SHCBP1: variants seen among roughly 807,000 people sequenced by gnomAD.
SHCBP1 encodes the protein SHC SH2 domain-binding protein 1.
Under a neutral mutation model 75.1 loss-of-function variants are expected in SHCBP1, and 60 were observed. That is an observed-to-expected ratio of 0.80 (90% CI 0.65 to 0.99). The LOEUF (loss-of-function observed/expected upper bound fraction) is 0.99. SHCBP1 is among the 50% of genes least tolerant of loss of function. The pLI is 0.00. For missense variants in SHCBP1, 709 were observed against 809.4 expected, an observed-to-expected ratio of 0.88 and a Z score of 1.50; for synonymous variants, 290 against 293.2, an observed-to-expected ratio of 0.99 and a Z score of 0.11.
chr16:46,602,831 A>G (rs1023009650), intron 8 of SHCBP1, among the ~76,000 whole-genome samples: 2 of 152,170 alleles, frequency 1.3e-5, no homozygotes, highest in Non-Finnish European at 2.9e-5. Flanking sequence ...GGGTTTCACC[A>G]TGTTAGCCAG....
chr16:46,608,459 A>C, intron 4 of SHCBP1, 70 bp from the exon 5 acceptor site: 1 of 987,176 alleles, frequency 1.0e-6, no homozygotes, highest in Non-Finnish European at 1.6e-6. Flanking sequence ...GAGGGGTGAG[A>C]GCTAAAGAGT....
At position 46,581,690 on chromosome 16, in the gene SHCBP1, C is replaced by A; in HGVS notation, c.*39G>T. ...GCAGTGATTCTTAGGGCAGCATGTGCAAAATCCAGTATTTTGCTATCTACT... is the reference window on the plus strand; with the variant it reads ...GCAGTGATTCTTAGGGCAGCATGTGAAAAATCCAGTATTTTGCTATCTACT... On this transcript the variant is annotated 3_prime_UTR_variant, in exon 13 of 13. Coordinates refer to ENST00000303383, the MANE Select transcript of SHCBP1 (RefSeq NM_024745.5). 6.4e-7 allele frequency: 1 copy of A among 1,559,602 alleles called. No individual in the cohort carries two copies. The highest frequency in any genetic ancestry group is 8.7e-7 in the Non-Finnish European group (1 of 1,143,684).
Position 46,616,091 on chromosome 16 carries a change from C to T in SHCBP1, c.451G>A (p.Asp151Asn). ...ATGGTAAAAGTGCTCACTTGAGAGTCACAGAGGTATGGTTCAGCAAGCCTC... is the reference window on the plus strand; with the variant it reads ...ATGGTAAAAGTGCTCACTTGAGAGTTACAGAGGTATGGTTCAGCAAGCCTC... ...VVRLAEPYLC[D>N]SQVSTFTMEC... is the part of the protein sequence containing the mutation. Residue 151 changes from aspartate to asparagine, a missense_variant, in exon 4 of 13, where the codon GAC becomes AAC. Physicochemically the swap from Asp to Asn is conservative, Grantham distance 23 (BLOSUM62 1). Transcript: ENST00000303383. The surrounding 1 kb of genome is among the most constrained non-coding windows in gnomAD (Gnocchi z 4.4). The T allele has an allele frequency of 1.2e-6, 2 of 1,614,180 alleles. No homozygotes were observed. The highest frequency in any genetic ancestry group is 1.7e-6 in the Non-Finnish European group (2 of 1,180,032).
chr16:46,594,440 A>G (rs1160588740), intron 10 of SHCBP1, among the ~76,000 whole-genome samples: 1 of 152,222 alleles, frequency 6.6e-6, no homozygotes, highest in African/African-American at 2.4e-5. Context: ...GGCAAAAGTC[A>G]CAGATATTTC....
chr16:46,583,685 GAACTGTCATATTC>G (rs1440822056), intron 11 of SHCBP1, 28 bp from the exon 12 acceptor site: 5 of 1,590,070 alleles, frequency 3.1e-6, no homozygotes, highest in Non-Finnish European at 4.3e-6. Context: ...AATGTTTTAG[GAACTGTCATATTC>G]AACATTTCCT....
At chr16:46,590,205 C>T (rs1056289084) in intron 10 of SHCBP1, among the ~76,000 whole-genome samples, 1 of 152,170 alleles carries the variant, frequency 6.6e-6, no homozygotes, top group Non-Finnish European at 1.5e-5. Context: ...GACCTAAAAC[C>T]ATTAAAACCC....
intron 1 of SHCBP1, among the ~76,000 whole-genome samples, chr16:46,619,652 C>T (rs1264178099): frequency 6.6e-6 from 1 of 152,216 alleles, no homozygotes; most frequent in Non-Finnish European, 1.5e-5. Context: ...AATAGTAGTA[C>T]TTCAGCACCA....
At chr16:46,605,605 C>T (rs776920802) in intron 5 of SHCBP1, among the ~76,000 whole-genome samples, 6 of 152,076 alleles carry the variant, frequency 3.9e-5, no homozygotes, top group Non-Finnish European at 7.4e-5. Flanking sequence ...AAAAAACAAA[C>T]AAACAAACAA....
chr16:46,600,947 T>C (rs371141404), intron 8 of SHCBP1, among the ~76,000 whole-genome samples: 1 of 151,652 alleles, frequency 6.6e-6, no homozygotes. Flanking sequence ...GAGGCGGAGA[T>C]TGCAGTGAGA....
intron 10 of SHCBP1, among the ~76,000 whole-genome samples, chr16:46,591,607 A>C (rs1019332760): frequency 7.2e-5 from 11 of 152,132 alleles, no homozygotes; most frequent in Admixed American, 7.2e-4. Flanking sequence ...GCAGAAAAAA[A>C]AAATCAGAAA....
intron 10 of SHCBP1, among the ~76,000 whole-genome samples, chr16:46,588,747 A>G (rs1339813586): frequency 6.6e-6 from 1 of 152,178 alleles, no homozygotes; most frequent in Non-Finnish European, 1.5e-5. Flanking sequence ...AGAGGTACAA[A>G]GAGGAGCTGG....
chr16:46,589,247 T>A (rs183864935), intron 10 of SHCBP1, among the ~76,000 whole-genome samples: 163 of 152,334 alleles, frequency 1.1e-3, no homozygotes, highest in South Asian at 7.5e-3. Flanking sequence ...AAGCATTCCC[T>A]TTGAAAACTG....
intron 9 of SHCBP1, among the ~76,000 whole-genome samples, chr16:46,597,782 C>T (rs1965166420): frequency 6.6e-6 from 1 of 152,214 alleles, no homozygotes; most frequent in African/African-American, 2.4e-5. Context: ...TTTGATAGCA[C>T]TTTACACACA....
Position 46,604,027 on chromosome 16 carries a change from A to C in SHCBP1, c.1040T>G (p.Leu347Arg). The change falls in exon 7 of 13, where the codon CTG (leucine) becomes CGG (arginine). Residue 347 changes from leucine (L) to arginine (R), a missense_variant. By Grantham distance (102) the Leu-to-Arg change is moderately radical. Transcript: ENST00000303383. ...CTCCTGGCAAAGCCTGTCCGTAAGC[A>C]GGGACCGCAGGAGACCAGCCATCAT... ...STMMAGLLRS[L>R]LTDRLCQEPG... 2 of 1,614,130 alleles carry C rather than the reference A, an allele frequency of 1.2e-6. No homozygotes were observed. The highest frequency in any genetic ancestry group is 1.3e-5 in the African/African-American group (1 of 75,058).
chr16:46,599,999 A>G lies in SHCBP1; in HGVS notation c.1214-37T>C, dbSNP rs1455405261. 3.1e-6 allele frequency: 5 copies of G among 1,607,352 alleles called. No individual in the cohort carries two copies. The African/African-American group carries it at 5.4e-5, about 17-fold the overall frequency. ...AGAGCAACAACACTCAAGATGGGTG[A>G]GGAAAAACATCTAAACGTGAACACT... On this transcript the variant is annotated intron_variant, in intron 8 of 12. Coordinates refer to ENST00000303383, the MANE Select transcript of SHCBP1 (RefSeq NM_024745.5).
chr16:46,608,257 T>C (rs1347325082), intron 5 of SHCBP1, 40 bp downstream of exon 5: 1 of 1,466,766 alleles, frequency 6.8e-7, no homozygotes, highest in African/African-American at 1.4e-5. Flanking sequence ...GGGTAACTAT[T>C]TTTCCAACAT....
chr16:46,616,132 G>C lies in SHCBP1; in HGVS notation c.410C>G (p.Ala137Gly). The change falls in exon 4 of 13, where the codon GCC (alanine) becomes GGC (glycine). Residue 137 changes from alanine to glycine, a missense_variant. Transcript: ENST00000303383. This position sits in a 1 kb window ranked among gnomAD's most constrained non-coding sequence, Gnocchi z 4.4. Reference sequence around the variant, plus strand: ...AGCAAGCCTCACCACTGCCTTCAAGGCTGCAAAGTCCACATCTGTGATCTG... The same window carrying C: ...AGCAAGCCTCACCACTGCCTTCAAGCCTGCAAAGTCCACATCTGTGATCTG... ...LVEITDVDFAALKAVVRLAEP... is the reference protein window; with the variant it reads ...LVEITDVDFAGLKAVVRLAEP... 1 of 1,614,140 alleles carries C rather than the reference G, an allele frequency of 6.2e-7. No individual in the cohort carries two copies. The highest frequency in any genetic ancestry group is 8.5e-7 in the Non-Finnish European group (1 of 1,180,002).
intron 4 of SHCBP1, among the ~76,000 whole-genome samples, chr16:46,612,530 C>T (rs1965434195): frequency 6.6e-6 from 1 of 152,120 alleles, no homozygotes; most frequent in Non-Finnish European, 1.5e-5. Flanking sequence ...GAAAAAACCT[C>T]TGCTGGCTCC....
intron 10 of SHCBP1, among the ~76,000 whole-genome samples, chr16:46,591,375 G>C (rs1446722656): frequency 6.6e-6 from 1 of 151,988 alleles, no homozygotes; most frequent in African/African-American, 2.4e-5. Flanking sequence ...AGCAGGTGTG[G>C]CTATATTCAC....
Sources: gnomAD v4.1 joint callset for allele counts (sites outside exome capture counted in the v4.1 genomes callset) on GRCh38, gnomAD v4.1.1 for gene constraint, Gnocchi (gnomAD v3.1) non-coding constraint, MANE v1.5 for transcripts, NCBI Gene and HGNC (gene_info 2026-07-23, HGNC 2026-07-21) for gene names.